Variants in PDE4D observed in about 807,000 individuals in gnomAD.
PDE4D encodes the protein phosphodiesterase 4D.
Under a neutral mutation model 87.4 loss-of-function variants are expected in PDE4D, and 24 were observed. The ratio of observed to expected loss-of-function variants is 0.27; its 90% CI spans 0.20 to 0.39. The LOEUF is 0.39. Ranked by LOEUF, PDE4D falls within the 10% of genes least tolerant of loss-of-function variation. PDE4D has a pLI of 1.00. For synonymous variants in PDE4D, 384 were observed against 383.2 expected (o/e 1.00, Z -0.02); for missense variants, 714 against 1,041.0 (o/e 0.69, Z 4.32).
chr5:60,114,941 C>CATGGATGG (rs72415755), intron 2 of PDE4D, among the ~76,000 whole-genome samples: 1,988 of 89,188 alleles, frequency 0.022, 53 homozygotes, highest in African/African-American at 0.072. Flanking sequence ...TAGATAGATA[C>CATGGATGG]ATGGATGGAT....
intron 1 of PDE4D, among the ~76,000 whole-genome samples, chr5:60,357,238 A>G (rs959615237): frequency 5.9e-5 from 9 of 151,920 alleles, no homozygotes; most frequent in Admixed American, 2.0e-4. Context: ...ATCTAACTTT[A>G]TCATGTTGCT....
intron 1 of PDE4D, among the ~76,000 whole-genome samples, chr5:59,623,432 C>T (rs563648815): frequency 6.6e-6 from 1 of 152,346 alleles, no homozygotes; most frequent in Non-Finnish European, 1.5e-5. Flanking sequence ...ACCTCCACTT[C>T]ACTTTAGAAA....
intron 1 of PDE4D, among the ~76,000 whole-genome samples, chr5:60,359,663 C>A (rs1452984949): frequency 6.6e-6 from 1 of 152,192 alleles, no homozygotes; most frequent in Non-Finnish European, 1.5e-5. Context: ...TTCACAAGGA[C>A]AACACTTTCA....
intron 1 of PDE4D, among the ~76,000 whole-genome samples, chr5:59,656,235 A>T (rs1744336967): frequency 6.6e-6 from 1 of 152,078 alleles, no homozygotes; most frequent in Non-Finnish European, 1.5e-5. Flanking sequence ...TCACACACAG[A>T]CTTCACATAC....
At chr5:60,216,156 A>G (rs1344544501) in intron 1 of PDE4D, among the ~76,000 whole-genome samples, 1 of 152,100 alleles carries the variant, frequency 6.6e-6, no homozygotes, top group East Asian at 1.9e-4. Flanking sequence ...TGATGGATGT[A>G]ATATAGGGAT....
intron 1 of PDE4D, among the ~76,000 whole-genome samples, chr5:59,830,618 C>T (rs1270251272): frequency 3.9e-5 from 6 of 152,050 alleles, no homozygotes; most frequent in African/African-American, 1.4e-4. Flanking sequence ...CTGTACATTT[C>T]ATTAATAGCC....
At chr5:60,279,812 G>C (rs1018395652) in intron 1 of PDE4D, among the ~76,000 whole-genome samples, 3 of 151,782 alleles carry the variant, frequency 2.0e-5, no homozygotes, top group Non-Finnish European at 4.4e-5. Context: ...CTCCTGAGTA[G>C]CTGGGACTAC....
At chr5:59,492,435 T>A (rs909475130) in intron 1 of PDE4D, among the ~76,000 whole-genome samples, 2 of 152,220 alleles carry the variant, frequency 1.3e-5, no homozygotes, top group Non-Finnish European at 2.9e-5. Flanking sequence ...TACAGACCTA[T>A]GTTGTTCTTT....
chr5:60,282,292 A>C (rs2045963475), intron 1 of PDE4D, among the ~76,000 whole-genome samples: 1 of 150,266 alleles, frequency 6.7e-6, no homozygotes, highest in South Asian at 2.1e-4. Flanking sequence ...AAAAAGGATT[A>C]TACGGTAAAA....
chr5:60,155,469 T>C (rs2910835), intron 2 of PDE4D, among the ~76,000 whole-genome samples: 22,843 of 152,250 alleles, frequency 0.15, 1,775 homozygotes, highest in South Asian at 0.23. Context: ...GTACTAGTTC[T>C]TTATATATTC....
At chr5:59,038,654 A>T (rs536318276) in intron 6 of PDE4D, among the ~76,000 whole-genome samples, 3 of 152,332 alleles carry the variant, frequency 2.0e-5, no homozygotes, top group East Asian at 1.9e-4. Flanking sequence ...TAGCACGTCA[A>T]ATTGCTTTTG....
At position 60,515,602 on chromosome 5, in the gene PDE4D, T is replaced by TTTC. The variant is rs72171578; in HGVS notation, n.70+6448_70+6449insGAA. 4.7e-3 allele frequency among the ~76,000 whole-genome samples: 179 copies of TTTC among 37,882 alleles called. 2 individuals are homozygous for TTTC. Among genetic ancestry groups the TTTC allele is most frequent in the Middle Eastern group, 0.011 (1 of 88 alleles). 24.9% of individuals were successfully genotyped at this position (37,882 alleles called of 152,430 possible). A position where few individuals can be genotyped will look rare whatever the true frequency, so the allele number is the denominator to read the frequency against. On this transcript the variant is annotated intron_variant and non_coding_transcript_variant, in intron 1 of 2. Coordinates refer to the PDE4D transcript ENST00000506510. ...TGAGCTTTCTTTCCTTTTCTTTTTC[T>TTTC]TTTTTTTTTTTTTTTTTCTGTCAGG...
intron 1 of PDE4D, among the ~76,000 whole-genome samples, chr5:59,365,382 C>G (rs1028336135): frequency 1.3e-5 from 2 of 152,078 alleles, no homozygotes; most frequent in African/African-American, 4.8e-5. Flanking sequence ...TCACCTGAAC[C>G]TGGGAATCGA....
At chr5:60,372,795 G>GT (rs1464967263) in intron 1 of PDE4D, 2 of 152,140 alleles carry the variant, frequency 1.3e-5, no homozygotes, top group Admixed American at 1.3e-4. Context: ...TAAAATTGTT[G>GT]TGAGACTTAA....
chr5:59,190,580 T>C (rs1251974779), intron 3 of PDE4D, among the ~76,000 whole-genome samples: 1 of 152,158 alleles, frequency 6.6e-6, no homozygotes, highest in African/African-American at 2.4e-5. Flanking sequence ...TTGGTATCAC[T>C]TCAAGTGACA....
intron 1 of PDE4D, among the ~76,000 whole-genome samples, chr5:60,240,686 G>A (rs1747005999): frequency 6.6e-6 from 1 of 152,116 alleles, no homozygotes; most frequent in Non-Finnish European, 1.5e-5. Context: ...AACATAGAGA[G>A]AGATTCTGTG....
At chr5:60,332,693 C>A (rs1757410050) in intron 1 of PDE4D, among the ~76,000 whole-genome samples, 1 of 152,110 alleles carries the variant, frequency 6.6e-6, no homozygotes, top group Admixed American at 6.5e-5. Context: ...AAATTTATAA[C>A]AACAGAATTA....
chr5:60,184,249 ATTTT>A (rs79022684), intron 2 of PDE4D, among the ~76,000 whole-genome samples: 1 of 151,124 alleles, frequency 6.6e-6, no homozygotes, highest in Non-Finnish European at 1.5e-5. Context: ...GCCTTTACAC[ATTTT>A]TTTTTCAGAT....
At chr5:59,804,295 C>T (rs939502724) in intron 1 of PDE4D, among the ~76,000 whole-genome samples, 5 of 152,212 alleles carry the variant, frequency 3.3e-5, no homozygotes, top group African/African-American at 1.2e-4. Flanking sequence ...TCCTGAGTTA[C>T]GTCTCTTAGA....
Sources: allele counts gnomAD v4.1 joint callset (sites outside exome capture counted in the v4.1 genomes callset), GRCh38; gene constraint gnomAD v4.1.1; transcripts MANE v1.5; gene names NCBI Gene and HGNC (gene_info 2026-07-23, HGNC 2026-07-21).